Variants in ATP10B observed in about 807,000 individuals in gnomAD.
ATP10B encodes phospholipid-transporting ATPase VB.
ATP10B carries 122 observed loss-of-function variants against 141.2 expected under a neutral mutation model. That is an observed-to-expected ratio of 0.86 (90% CI 0.75 to 1.00). The LOEUF (loss-of-function observed/expected upper bound fraction) is 1.00, where lower values mean the gene tolerates loss of function less well. ATP10B is among the 50% of genes least tolerant of loss of function. The pLI is 0.00. For missense variants in ATP10B, 1,876 were observed against 1,825.3 expected (o/e 1.03, Z -0.51); for synonymous variants, 685 against 692.0 (o/e 0.99, Z 0.16).
chr5:160,727,772 T>C (rs182995228), intron 2 of ATP10B, among the ~76,000 whole-genome samples: 3 of 152,174 alleles, frequency 2.0e-5, no homozygotes, highest in Non-Finnish European at 4.4e-5. Context: ...GCCTGAGTCA[T>C]GCAACACCCT....
At chr5:160,894,158 TC>T in the ATP10B span, among the ~76,000 whole-genome samples, 2 of 151,780 alleles carry the variant, frequency 1.3e-5, no homozygotes, top group African/African-American at 4.8e-5. Flanking sequence ...GGATCACAAC[TC>T]CTCACCAGCA....
intron 1 of ATP10B, among the ~76,000 whole-genome samples, chr5:160,812,026 G>GAGACAGAGAC (rs1561879925): frequency 1.5e-4 from 4 of 26,530 alleles, no homozygotes; most frequent in South Asian, 1.1e-3. Context: ...GAGACAGAGA[G>GAGACAGAGAC]AGAGAGAGAG....
At chr5:160,741,167 C>CACAGATGCATAG (rs1767447284) in intron 2 of ATP10B, among the ~76,000 whole-genome samples, 1 of 152,176 alleles carries the variant, frequency 6.6e-6, no homozygotes, top group Non-Finnish European at 1.5e-5. Flanking sequence ...ATAGAGTAAG[C>CACAGATGCATAG]ACATCACTGG....
intron 10 of ATP10B, among the ~76,000 whole-genome samples, chr5:160,640,257 T>C (rs1759737443): frequency 6.6e-6 from 1 of 152,254 alleles, no homozygotes; most frequent in Admixed American, 6.5e-5. Flanking sequence ...ACCAAATAAA[T>C]ATCAGATGAT....
At chr5:160,854,554 T>G (rs1430865460), upstream of ATP10B, among the ~76,000 whole-genome samples, 1 of 152,236 alleles carries the variant, frequency 6.6e-6, no homozygotes, top group African/African-American at 2.4e-5. Context: ...TGCTACATTT[T>G]CTTTATCCAG....
At chr5:160,919,249 G>T in the ATP10B span, among the ~76,000 whole-genome samples, 1 of 90,388 alleles carries the variant, frequency 1.1e-5, no homozygotes, top group African/African-American at 4.7e-5. Context: ...AAAAAAAGCA[G>T]GGAGTGGAAG....
chr5:160,832,435 G>A (rs1441204866), intron 1 of ATP10B, among the ~76,000 whole-genome samples: 1 of 152,124 alleles, frequency 6.6e-6, no homozygotes, highest in Non-Finnish European at 1.5e-5. Flanking sequence ...TCAACACATT[G>A]TTGATAAAAA....
chr5:160,906,888 A>G, the ATP10B span, among the ~76,000 whole-genome samples: 1 of 152,192 alleles, frequency 6.6e-6, no homozygotes, highest in African/African-American at 2.4e-5. Context: ...CAATGTATCA[A>G]CTGGCTGCTT....
At chr5:160,804,224 C>T (rs1772613415) in intron 1 of ATP10B, among the ~76,000 whole-genome samples, 1 of 152,042 alleles carries the variant, frequency 6.6e-6, no homozygotes, top group Admixed American at 6.6e-5. Context: ...TGTCAAAGTC[C>T]CCTTTTTGCA....
At chr5:160,775,837 T>C (rs900504443) in intron 2 of ATP10B, among the ~76,000 whole-genome samples, 2 of 152,034 alleles carry the variant, frequency 1.3e-5, no homozygotes, top group South Asian at 2.1e-4. Context: ...CCCGCCACCA[T>C]GCCCGGCTAA....
chr5:160,914,365 G>A, the ATP10B span, among the ~76,000 whole-genome samples: 1 of 152,138 alleles, frequency 6.6e-6, no homozygotes, highest in Non-Finnish European at 1.5e-5. Context: ...ATCCATGTGA[G>A]ATTAGTTCTA....
At chr5:160,659,069 G>C (rs777327155) in intron 7 of ATP10B, among the ~76,000 whole-genome samples, 1 of 152,146 alleles carries the variant, frequency 6.6e-6, no homozygotes, top group South Asian at 2.1e-4. Flanking sequence ...ATGTAAATAC[G>C]TTGTCTTGGG....
At chr5:160,840,755 A>G (rs1775763808) in intron 1 of ATP10B, among the ~76,000 whole-genome samples, 1 of 152,186 alleles carries the variant, frequency 6.6e-6, no homozygotes, top group African/African-American at 2.4e-5. Flanking sequence ...CTGGAAAAGA[A>G]GGAAAAATTA....
chr5:160,841,260 G>T (rs565392144), intron 1 of ATP10B, among the ~76,000 whole-genome samples: 1 of 152,120 alleles, frequency 6.6e-6, no homozygotes, highest in African/African-American at 2.4e-5. Context: ...TCTACGAACT[G>T]ATGTAGAATG....
intron 24 of ATP10B, among the ~76,000 whole-genome samples, chr5:160,575,642 A>G (rs185588061): frequency 6.6e-6 from 1 of 152,200 alleles, no homozygotes; most frequent in Non-Finnish European, 1.5e-5. Context: ...TTCATTTTTC[A>G]TATAACAACA....
intron 12 of ATP10B, chr5:160,633,906 T>C: frequency 3.2e-6 from 1 of 310,558 alleles, no homozygotes. Context: ...CTAAGAGATC[T>C]GTTAGAATAG....
intron 1 of ATP10B, among the ~76,000 whole-genome samples, chr5:160,828,348 T>C (rs1581613380): frequency 6.6e-6 from 1 of 152,148 alleles, no homozygotes; most frequent in Admixed American, 6.5e-5. Flanking sequence ...TACAATGAAC[T>C]TAAACAAATT....
chr5:160,728,280 A>G (rs1232138856), intron 2 of ATP10B, among the ~76,000 whole-genome samples: 2 of 152,140 alleles, frequency 1.3e-5, no homozygotes, highest in African/African-American at 4.8e-5. Flanking sequence ...CCTATTTGGA[A>G]AAATAGCCAC....
Position 160,565,282 on chromosome 5 carries a change from G to A in ATP10B, c.*171C>T, listed in dbSNP as rs931223229. ...AAACTAGAGGCCGACTGGGTTTCCC[G>A]TCTTTGTGTCAGACCCCTTGGGGCC... On this transcript the variant is annotated 3_prime_UTR_variant, in exon 26 of 26. Coordinates refer to ENST00000327245, the MANE Select transcript of ATP10B (RefSeq NM_025153.3). 7.7e-5 allele frequency: 51 copies of A among 663,186 alleles called. No homozygotes were observed. Among genetic ancestry groups the A allele is most frequent in the Non-Finnish European group, 1.2e-4 (49 of 392,620 alleles). 41.1% of individuals were successfully genotyped at this position (663,186 alleles called of 1,614,324 possible).
Sources: allele counts gnomAD v4.1 joint callset (sites outside exome capture counted in the v4.1 genomes callset), GRCh38; gene constraint gnomAD v4.1.1; transcripts MANE v1.5; gene names NCBI Gene and HGNC (gene_info 2026-07-23, HGNC 2026-07-21).